Variants in NOC3L observed in about 807,000 individuals in gnomAD.
NOC3L encodes nucleolar complex protein 3 homolog.
Under a neutral mutation model 102.5 loss-of-function variants are expected in NOC3L, and 85 were observed. The observed-to-expected ratio is 0.83, with a 90% confidence interval of 0.70 to 0.99. NOC3L has a LOEUF of 0.99. Ranked by LOEUF, NOC3L falls within the 50% of genes least tolerant of loss-of-function variation. NOC3L has a pLI of 0.00. For synonymous variants in NOC3L, 303 were observed against 309.4 expected, an observed-to-expected ratio of 0.98 and a Z score of 0.22; for missense variants, 878 against 914.9, an observed-to-expected ratio of 0.96 and a Z score of 0.52.
In NOC3L at chr10:94,361,660, A is replaced by G; in HGVS notation, c.217+5T>C. 6.2e-7 allele frequency: 1 copy of G among 1,612,208 alleles called. No individual in the cohort carries two copies. The highest frequency in any genetic ancestry group is 2.2e-5 in the East Asian group (1 of 44,862). ...AACCAGAGCACATGATGTTTTCACA[A>G]TTACCTGGTCGCTTTTCCTTTGGGT... On this transcript the variant is annotated splice_donor_5th_base_variant and intron_variant, in intron 2 of 20. Transcript: ENST00000371361.
intron 19 of NOC3L, 114 bp downstream of exon 19, chr10:94,337,663 A>C: frequency 4.8e-6 from 3 of 630,358 alleles, no homozygotes; most frequent in Non-Finnish European, 8.3e-6. Context: ...CAATCCAGAT[A>C]CCCAACTGGC....
the NOC3L span, chr10:94,325,088 C>T: frequency 6.2e-7 from 1 of 1,612,976 alleles, no homozygotes; most frequent in African/African-American, 1.3e-5. Context: ...TGACTAAGGG[C>T]AGCATGTTTA....
chr10:94,324,215 T>C, the NOC3L span: 14 of 776,184 alleles, frequency 1.8e-5, no homozygotes, highest in Non-Finnish European at 2.8e-5. Context: ...GCAAAATGAG[T>C]TGGATGAAAT....
chr10:94,325,091 C>T, the NOC3L span: 4 of 1,611,992 alleles, frequency 2.5e-6, no homozygotes, highest in Non-Finnish European at 3.4e-6. Context: ...CTAAGGGCAG[C>T]ATGTTTAACC....
intron 6 of NOC3L, among the ~76,000 whole-genome samples, chr10:94,353,676 C>T (rs2054449494): frequency 6.6e-6 from 1 of 152,180 alleles, no homozygotes. Context: ...TAGTTAGAAA[C>T]ATACAGACCT....
At chr10:94,328,679 C>G (rs541802100), downstream of NOC3L, 1 of 152,236 alleles carries the variant, frequency 6.6e-6, no homozygotes, top group African/African-American at 2.4e-5. Context: ...GTAAATATGT[C>G]CTATAACATA....
intron 3 of NOC3L, 82 bp from the exon 4 acceptor site, chr10:94,357,413 A>T: frequency 7.9e-7 from 1 of 1,267,072 alleles, no homozygotes; most frequent in Non-Finnish European, 1.0e-6. Flanking sequence ...AAAGTACAGA[A>T]AAACCACCAG....
At position 94,344,348 on chromosome 10, in the gene NOC3L, C is replaced by G. The variant is rs1356966428; in HGVS notation, c.1571+67G>C. ...GATAATGGGCCATCATTAGGGAACT[C>G]TCGAAAATTCTTTGGTCTTTCCTAT... On this transcript the variant is annotated intron_variant, in intron 13 of 20. Coordinates refer to ENST00000371361, the MANE Select transcript of NOC3L (RefSeq NM_022451.11). 5 of 998,956 alleles carry G rather than the reference C, an allele frequency of 5.0e-6. No individual in the cohort carries two copies. The Admixed American group carries it at 6.1e-5, about 12-fold the overall frequency. 61.9% of individuals were successfully genotyped at this position (998,956 alleles called of 1,614,324 possible).
At chr10:94,360,459 C>T (rs1411257793) in intron 2 of NOC3L, among the ~76,000 whole-genome samples, 3 of 152,086 alleles carry the variant, frequency 2.0e-5, no homozygotes, top group African/African-American at 7.2e-5. Context: ...ACAAGCTAGG[C>T]ACAGAAAGAC....
chr10:94,361,595 A>G (rs922873186), intron 2 of NOC3L, 70 bp downstream of exon 2: 9 of 1,480,948 alleles, frequency 6.1e-6, no homozygotes, highest in Non-Finnish European at 8.4e-6. Flanking sequence ...TAGAAAGCAA[A>G]GTTATTTCCA....
chr10:94,350,919 A>G (rs1436584057), intron 8 of NOC3L, among the ~76,000 whole-genome samples: 2 of 151,898 alleles, frequency 1.3e-5, no homozygotes, highest in East Asian at 3.9e-4. Context: ...ACTTAGTACT[A>G]AAAAAAACTG....
rs1403816359 is a variant in NOC3L at position 94,334,237 on chromosome 10, A to T, written c.2343T>A (p.Ser781Arg). 6.2e-7 allele frequency: 1 copy of T among 1,611,440 alleles called. No individual in the cohort carries two copies. The highest frequency in any genetic ancestry group is 8.5e-7 in the Non-Finnish European group (1 of 1,177,950). Reference protein sequence around the residue: ...DLNQLIKRYSSEVATESPLDF... With the variant: ...DLNQLIKRYSREVATESPLDF... ...CCAGAGGCGATTCAGTAGCAACTTC[A>T]CTGGAGTATCTTTTGATTAGCTGAT... is the stretch of plus-strand genomic sequence containing the variant. The change falls in exon 21 of 21, where the codon AGT (serine) becomes AGA (arginine). Residue 781 changes from serine to arginine, a missense_variant. Transcript: ENST00000371361.
intron 5 of NOC3L, among the ~76,000 whole-genome samples, chr10:94,355,745 A>G (rs2054476202): frequency 6.6e-6 from 1 of 152,176 alleles, no homozygotes; most frequent in South Asian, 2.1e-4. Flanking sequence ...CATATTAATT[A>G]ACAAATAGGA....
In NOC3L at chr10:94,354,986, T is replaced by G; in HGVS notation, c.673A>C (p.Ile225Leu). Residue 225 changes from isoleucine to leucine, a missense_variant, in exon 6 of 21, where the codon ATA (isoleucine) becomes CTA (leucine). By Grantham distance (5) the Ile-to-Leu change is conservative. Transcript: ENST00000371361. The stretch of plus-strand genomic sequence containing the variant: ...ACATTATTTTCTGGATCTGATAATA[T>G]GGCAGATGCCAAGGCTGCAATATGC... ...KMHIAALASAILSDPENNIKK... is the reference protein window; with the variant it reads ...KMHIAALASALLSDPENNIKK... 6.2e-7 allele frequency: 1 copy of G among 1,613,276 alleles called. No homozygotes were observed. Among genetic ancestry groups the G allele is most frequent in the South Asian group, 1.1e-5 (1 of 91,050 alleles).
At chr10:94,359,977 C>G (rs2054534007) in intron 2 of NOC3L, among the ~76,000 whole-genome samples, 6 of 152,118 alleles carry the variant, frequency 3.9e-5, no homozygotes, top group Admixed American at 3.9e-4. Context: ...TCCACAAGAG[C>G]CAAGATTTGG....
At position 94,350,406 on chromosome 10, in the gene NOC3L, A is replaced by G. The variant is rs1397407362; in HGVS notation, c.953-118T>C. 4.7e-6 allele frequency: 4 copies of G among 858,448 alleles called. No individual in the cohort carries two copies. In the East Asian group the frequency reaches 9.9e-5, roughly 21 times the overall value. The allele number at this position is 858,448 out of a possible 1,614,324, so 53.2% of individuals were successfully genotyped here. A position where few individuals can be genotyped will look rare whatever the true frequency, so the allele number is the denominator to read the frequency against. ...TAAACACACACACACACATTCCCAC[A>G]CCCCTTAAAAAAAGACTTCATATGC... On this transcript the variant is annotated intron_variant, in intron 8 of 20. Coordinates refer to ENST00000371361, the MANE Select transcript of NOC3L (RefSeq NM_022451.11).
In NOC3L at chr10:94,346,424, C is replaced by T. The variant is rs753230004; in HGVS notation, c.1389+1G>A. On this transcript the variant is annotated splice_donor_variant, in intron 11 of 20. Transcript: ENST00000371361. LOFTEE classifies it high-confidence loss of function. Reference sequence around the variant, plus strand: ...GAAACAAAAGGGGAAATAAGTCAAACCTTTCTCTGCATTCTTGATAGAGAT... The same window carrying T: ...GAAACAAAAGGGGAAATAAGTCAAATCTTTCTCTGCATTCTTGATAGAGAT... 13 of 1,484,662 alleles carry T rather than the reference C, an allele frequency of 8.8e-6. No individual in the cohort carries two copies. Among genetic ancestry groups the T allele is most frequent in the Non-Finnish European group, 9.0e-7 (1 of 1,115,690 alleles). 92.0% of individuals were successfully genotyped at this position (1,484,662 alleles called of 1,614,324 possible).
In NOC3L at chr10:94,350,214, C is replaced by T; in HGVS notation, c.1027G>A (p.Val343Met). 6.2e-7 allele frequency: 1 copy of T among 1,614,214 alleles called. No homozygotes were observed. Among genetic ancestry groups the T allele is most frequent in the South Asian group, 1.1e-5 (1 of 91,086 alleles). Reference sequence around the variant, plus strand: ...ACCAACAGCTCACACAAGCTCTTCACAGCGACTTCTGCCAGTCCTTTGTAT... The same window carrying T: ...ACCAACAGCTCACACAAGCTCTTCATAGCGACTTCTGCCAGTCCTTTGTAT... Reference protein sequence around the residue: ...KAYKGLAEVAVKSLCELLVAL... With the variant: ...KAYKGLAEVAMKSLCELLVAL... Residue 343 changes from valine to methionine, a missense_variant, in exon 9 of 21, where the codon GTG (valine) becomes ATG (methionine). By Grantham distance (21) the Val-to-Met change is conservative. Transcript: ENST00000371361.
downstream of NOC3L, chr10:94,330,039 T>A (rs913903989): frequency 4.6e-5 from 7 of 152,196 alleles, no homozygotes; most frequent in Admixed American, 4.6e-4. Flanking sequence ...TGCCAAACAG[T>A]TTGCCCTACC....
Sources: allele counts gnomAD v4.1 joint callset (sites outside exome capture counted in the v4.1 genomes callset), GRCh38; gene constraint gnomAD v4.1.1; transcripts MANE v1.5; gene names NCBI Gene and HGNC (gene_info 2026-07-23, HGNC 2026-07-21).